RARB: variants seen among roughly 807,000 people sequenced by gnomAD.
The protein encoded by RARB is retinoic acid receptor beta.
Under a neutral mutation model 51.9 loss-of-function variants are expected in RARB, and 17 were observed. That is an observed-to-expected ratio of 0.33 (90% confidence interval 0.22 to 0.49). The LOEUF (loss-of-function observed/expected upper bound fraction) is 0.49, where lower values mean the gene tolerates loss of function less well. RARB is among the 20% of genes least tolerant of loss of function. The probability of loss-of-function intolerance (pLI) is 0.99; values close to 1 mark genes in which losing one functional copy is unlikely to be tolerated. For missense variants in RARB, 369 were observed against 550.8 expected (o/e 0.67, Z 3.30); for synonymous variants, 215 against 195.4 (o/e 1.10, Z -0.84).
chr3:25,523,138 G>A (rs563171861), intron 3 of RARB, among the ~76,000 whole-genome samples: 1 of 152,166 alleles, frequency 6.6e-6, no homozygotes, highest in Non-Finnish European at 1.5e-5. Flanking sequence ...AATATCACTG[G>A]TTTCCAGTAA....
chr3:24,860,537 A>G (rs912308221), intron 2 of RARB, among the ~76,000 whole-genome samples: 1 of 152,186 alleles, frequency 6.6e-6, no homozygotes, highest in Non-Finnish European at 1.5e-5. Context: ...GGCAAACTCA[A>G]GTATAGAAAA....
chr3:25,159,247 T>G (rs1314808074), intron 4 of RARB, among the ~76,000 whole-genome samples: 1 of 126,664 alleles, frequency 7.9e-6, no homozygotes, highest in Non-Finnish European at 1.6e-5. Context: ...CACCACAACC[T>G]CCACCTCCCC....
intron 2 of RARB, among the ~76,000 whole-genome samples, chr3:24,999,463 T>C (rs1008054316): frequency 3.9e-5 from 6 of 152,164 alleles, no homozygotes; most frequent in Non-Finnish European, 7.4e-5. Flanking sequence ...AGCGTGGATA[T>C]TGTGCTATGA....
Position 25,516,632 on chromosome 3 carries a change from T to C in RARB, c.448+15309T>C, listed in dbSNP as rs1698174971. 2.4e-5 allele frequency among the ~76,000 whole-genome samples: 3 copies of C among 125,490 alleles called. No individual in the cohort carries two copies. The South Asian group carries it at 7.4e-4, about 31-fold the overall frequency. The allele number at this position is 125,490 out of a possible 152,430, so 82.3% of individuals were successfully genotyped here. ...AAAGGTTCATCTTTATTTCCTTGTC[T>C]TTTTTTTTTTTTGAGACAGGGTCAC... On this transcript the variant is annotated intron_variant, in intron 3 of 7. Coordinates refer to ENST00000330688, the MANE Select transcript of RARB (RefSeq NM_000965.5).
chr3:24,958,597 C>T (rs1429047258), intron 2 of RARB, among the ~76,000 whole-genome samples: 4 of 152,188 alleles, frequency 2.6e-5, no homozygotes, highest in South Asian at 2.1e-4. Flanking sequence ...CTGTAGTCAG[C>T]GCTAGTTTGC....
At chr3:24,976,129 A>G (rs983155002) in intron 2 of RARB, among the ~76,000 whole-genome samples, 2 of 152,278 alleles carry the variant, frequency 1.3e-5, no homozygotes, top group Admixed American at 6.5e-5. Context: ...ATAGTATTCC[A>G]TGGTATATAT....
At chr3:25,250,083 G>T (rs1481927334) in intron 5 of RARB, among the ~76,000 whole-genome samples, 3 of 152,138 alleles carry the variant, frequency 2.0e-5, no homozygotes, top group African/African-American at 7.2e-5. Flanking sequence ...AGTCCACACT[G>T]GTGCTGGTGG....
chr3:25,313,482 T>C (rs1285881192), intron 5 of RARB, among the ~76,000 whole-genome samples: 1 of 152,188 alleles, frequency 6.6e-6, no homozygotes, highest in African/African-American at 2.4e-5. Flanking sequence ...TGTCAGCGAG[T>C]ATCTCTGGTT....
chr3:24,976,169 T>C (rs550741205), intron 2 of RARB, among the ~76,000 whole-genome samples: 13 of 152,318 alleles, frequency 8.5e-5, no homozygotes, highest in Admixed American at 2.0e-4. Flanking sequence ...TAGTCTATTA[T>C]TGATGGACAT....
intron 5 of RARB, among the ~76,000 whole-genome samples, chr3:25,327,321 T>G (rs1351371828): frequency 6.6e-6 from 1 of 152,100 alleles, no homozygotes; most frequent in Non-Finnish European, 1.5e-5. Context: ...AAAAATTTTT[T>G]AAAAAGATTC....
intron 5 of RARB, among the ~76,000 whole-genome samples, chr3:25,384,121 C>G (rs1706718053): frequency 6.6e-6 from 1 of 152,104 alleles, no homozygotes; most frequent in African/African-American, 2.4e-5. Context: ...CAAACAGAAT[C>G]CACTTTTCTG....
chr3:25,264,031 C>T (rs5005738), intron 5 of RARB, among the ~76,000 whole-genome samples: 60,079 of 151,748 alleles, frequency 0.4, 13,806 homozygotes, highest in East Asian at 0.68. Context: ...CGTTTTCAGA[C>T]GACTCCCATG....
chr3:25,025,536 A>G (rs143364087), intron 2 of RARB, among the ~76,000 whole-genome samples: 2 of 152,180 alleles, frequency 1.3e-5, no homozygotes, highest in South Asian at 4.1e-4. Context: ...TAGAAAGTTA[A>G]AGTAGAAACT....
chr3:25,316,058 GA>G (rs1704416260), intron 5 of RARB, among the ~76,000 whole-genome samples: 1 of 152,104 alleles, frequency 6.6e-6, no homozygotes, highest in African/African-American at 2.4e-5. Context: ...TTTGATCAAA[GA>G]ATATGCTCAG....
intron 5 of RARB, among the ~76,000 whole-genome samples, chr3:25,587,805 A>G (rs1173214314): frequency 6.6e-6 from 1 of 152,254 alleles, no homozygotes; most frequent in African/African-American, 2.4e-5. Context: ...GAATCAGATC[A>G]GGATCTGCCC....
At chr3:24,886,243 G>A (rs1452928698) in intron 2 of RARB, among the ~76,000 whole-genome samples, 1 of 152,106 alleles carries the variant, frequency 6.6e-6, no homozygotes, top group African/African-American at 2.4e-5. Flanking sequence ...GCTTGGATAT[G>A]TCTGGCCTCT....
chr3:25,418,999 A>G (rs1204838366), intron 5 of RARB, among the ~76,000 whole-genome samples: 1 of 151,812 alleles, frequency 6.6e-6, no homozygotes, highest in Non-Finnish European at 1.5e-5. Flanking sequence ...ATGTGACACA[A>G]GAGCCCGTAG....
intron 5 of RARB, among the ~76,000 whole-genome samples, chr3:25,176,439 G>T (rs918212366): frequency 6.8e-6 from 1 of 147,040 alleles, no homozygotes; most frequent in East Asian, 2.0e-4. Context: ...CTCTGTCGCC[G>T]GGCCAGAGTG....
At chr3:25,546,617 C>A (rs1453312163) in intron 3 of RARB, among the ~76,000 whole-genome samples, 1 of 151,942 alleles carries the variant, frequency 6.6e-6, no homozygotes, top group Non-Finnish European at 1.5e-5. Context: ...AAGCTATTTT[C>A]TTTTGAATGG....
Sources: allele counts gnomAD v4.1 joint callset (sites outside exome capture counted in the v4.1 genomes callset), GRCh38; gene constraint gnomAD v4.1.1; transcripts MANE v1.5; gene names NCBI Gene and HGNC (gene_info 2026-07-23, HGNC 2026-07-21).